Variants in SGCG observed in about 807,000 individuals in gnomAD.
SGCG encodes sarcoglycan gamma.
SGCG carries 26 observed loss-of-function variants against 29.3 expected under a neutral mutation model. That is an observed-to-expected ratio of 0.89 (90% confidence interval 0.65 to 1.23). The LOEUF (loss-of-function observed/expected upper bound fraction) is 1.23. Among genes scored for constraint, SGCG ranks in the 50% most tolerant of loss-of-function variants. The pLI is 0.00. For synonymous variants in SGCG, 145 were observed against 129.7 expected, an observed-to-expected ratio of 1.12 and a Z score of -0.80; for missense variants, 353 against 356.0, an observed-to-expected ratio of 0.99 and a Z score of 0.07.
chr13:23,238,685 C>T (rs899775039), intron 3 of SGCG, among the ~76,000 whole-genome samples: 1 of 152,192 alleles, frequency 6.6e-6, no homozygotes, highest in African/African-American at 2.4e-5. Flanking sequence ...TAAAAAACTA[C>T]ATTTCATCTG....
At chr13:23,286,022 C>G (rs1431014055) in intron 5 of SGCG, among the ~76,000 whole-genome samples, 3 of 152,196 alleles carry the variant, frequency 2.0e-5, no homozygotes, top group Non-Finnish European at 2.9e-5. Flanking sequence ...ATTAATCTCG[C>G]TGGGAGCTGC....
chr13:23,234,762 T>G (rs775219732), intron 3 of SGCG, 50 bp downstream of exon 3: 1 of 1,276,316 alleles, frequency 7.8e-7, no homozygotes. Flanking sequence ...AAATAAATCA[T>G]GTTTAAGCAC....
chr13:23,256,219 A>C (rs1222468537), intron 4 of SGCG, among the ~76,000 whole-genome samples: 1 of 152,234 alleles, frequency 6.6e-6, no homozygotes, highest in Non-Finnish European at 1.5e-5. Flanking sequence ...AATTCTGGCC[A>C]TATGAAAAAA....
chr13:23,225,245 T>C (rs1383114544), intron 2 of SGCG, among the ~76,000 whole-genome samples: 2 of 152,228 alleles, frequency 1.3e-5, no homozygotes, highest in Non-Finnish European at 2.9e-5. Flanking sequence ...CCGAAGGGAC[T>C]TTGCAGATGT....
At chr13:23,201,181 TG>T (rs1449730198) in intron 1 of SGCG, among the ~76,000 whole-genome samples, 8 of 152,138 alleles carry the variant, frequency 5.3e-5, no homozygotes, top group Non-Finnish European at 1.2e-4. Context: ...ACCTAAGAGC[TG>T]GCCTCATAAC....
chr13:23,314,382 TTATATATA>T (rs201480793), intron 6 of SGCG, among the ~76,000 whole-genome samples: 25,551 of 78,654 alleles, frequency 0.32, 3,660 homozygotes, highest in Middle Eastern at 0.4. Context: ...CTGCTATAGG[TTATATATA>T]TATATATATA....
chr13:23,320,500 T>C, intron 6 of SGCG, 137 bp from the exon 7 acceptor site: 1 of 732,448 alleles, frequency 1.4e-6, no homozygotes, highest in East Asian at 2.8e-5. Context: ...TAATGCACAA[T>C]ATGTTACCAT....
rs1882043590 is a variant in SGCG, at chr13:23,299,433, TATA to T, written c.578+3947_578+3949del. Among the ~76,000 whole-genome samples, 5 of 30,782 alleles carry T rather than the reference TATA, an allele frequency of 1.6e-4. 1 individual carries two copies. Among genetic ancestry groups the T allele is most frequent in the Non-Finnish European group, 1.4e-4 (2 of 14,582 alleles). 20.2% of individuals were successfully genotyped at this position (30,782 alleles called of 152,430 possible). On this transcript the variant is annotated intron_variant, in intron 6 of 7. Transcript: ENST00000218867. The stretch of plus-strand genomic sequence containing the variant: ...ATATATATATATATATATATATATA[TATA>T]TATATATATATATATATATATTTTT...
At chr13:23,237,376 T>G (rs754233772) in intron 3 of SGCG, among the ~76,000 whole-genome samples, 3 of 152,220 alleles carry the variant, frequency 2.0e-5, no homozygotes, top group Admixed American at 2.0e-4. Flanking sequence ...ATCTGTGAAG[T>G]TCTCAGCCCT....
chr13:23,203,809 T>C lies in SGCG; in HGVS notation c.115T>C (p.Phe39Leu), dbSNP rs1157862915. Residue 39 changes from phenylalanine (F) to leucine (L), a missense_variant, in exon 2 of 8, where the codon TTT becomes CTT. Transcript: ENST00000218867. ...CTGGAGAAAGCGCTGTCTCTACTTG[T>C]TTGTTCTTCTTTTACTCATCATCCT... ...YGWRKRCLYLFVLLLLIILVV... is the reference protein window; with the variant it reads ...YGWRKRCLYLLVLLLLIILVV... 6.2e-7 allele frequency: 1 copy of C among 1,614,018 alleles called. No homozygotes were observed. Among genetic ancestry groups the C allele is most frequent in the Admixed American group, 1.7e-5 (1 of 60,020 alleles).
intron 6 of SGCG, among the ~76,000 whole-genome samples, chr13:23,300,477 T>C (rs1379981835): frequency 6.6e-6 from 1 of 152,106 alleles, no homozygotes; most frequent in Non-Finnish European, 1.5e-5. Flanking sequence ...ACCTCCGAAA[T>C]CCTGACCTCC....
At chr13:23,313,688 C>G in intron 6 of SGCG, among the ~76,000 whole-genome samples, 1 of 152,202 alleles carries the variant, frequency 6.6e-6, no homozygotes, top group East Asian at 1.9e-4. Context: ...CCTGCCTTAG[C>G]AATCAAGTCA....
intron 2 of SGCG, among the ~76,000 whole-genome samples, chr13:23,226,610 CTT>C (rs1353140967): frequency 6.6e-6 from 1 of 152,174 alleles, no homozygotes; most frequent in Non-Finnish European, 1.5e-5. Context: ...TATTTAAAAA[CTT>C]ATATTTAAAG....
intron 3 of SGCG, among the ~76,000 whole-genome samples, chr13:23,242,488 T>C (rs1879548763): frequency 2.6e-5 from 4 of 152,132 alleles, no homozygotes; most frequent in Admixed American, 6.6e-5. Flanking sequence ...TTGAGAAAAG[T>C]AATAAAAAGT....
the SGCG span, among the ~76,000 whole-genome samples, chr13:23,161,529 A>G: frequency 3.9e-5 from 6 of 152,270 alleles, no homozygotes; most frequent in East Asian, 1.9e-4. Context: ...TTTCAATGTA[A>G]TATGGGTCTT....
intron 6 of SGCG, among the ~76,000 whole-genome samples, chr13:23,310,436 G>T (rs1224328025): frequency 6.6e-6 from 1 of 152,142 alleles, no homozygotes; most frequent in African/African-American, 2.4e-5. Context: ...CCCTTATTTT[G>T]TCTGGTATTA....
At chr13:23,242,219 GATTAA>G (rs1879539957) in intron 3 of SGCG, among the ~76,000 whole-genome samples, 2 of 152,140 alleles carry the variant, frequency 1.3e-5, no homozygotes, top group African/African-American at 2.4e-5. Flanking sequence ...CTGCTTCAAT[GATTAA>G]ATTAGTTTCT....
At chr13:23,194,082 T>C (rs994273576) in intron 1 of SGCG, among the ~76,000 whole-genome samples, 2 of 152,148 alleles carry the variant, frequency 1.3e-5, no homozygotes, top group East Asian at 1.9e-4. Flanking sequence ...AAAGTGAATA[T>C]TGGATTTGGA....
intron 2 of SGCG, among the ~76,000 whole-genome samples, chr13:23,232,640 G>A: frequency 6.6e-6 from 1 of 152,108 alleles, no homozygotes; most frequent in African/African-American, 2.4e-5. Flanking sequence ...AAATTAGCCA[G>A]GCGTGGTGGC....
Sources: allele counts gnomAD v4.1 joint callset (sites outside exome capture counted in the v4.1 genomes callset), GRCh38; gene constraint gnomAD v4.1.1; transcripts MANE v1.5; gene names NCBI Gene and HGNC (gene_info 2026-07-23, HGNC 2026-07-21).